CADM2: variants seen among roughly 807,000 people sequenced by gnomAD.
The protein encoded by CADM2 is cell adhesion molecule 2.
A neutral mutation model predicts 49.8 loss-of-function variants in CADM2; 12 were observed. The observed-to-expected ratio is 0.24, with a 90% CI of 0.15 to 0.39. The LOEUF (loss-of-function observed/expected upper bound fraction) is 0.39. Ranked by LOEUF, CADM2 falls within the 10% of genes least tolerant of loss-of-function variation. The pLI, the probability that CADM2 is intolerant of heterozygous loss-of-function variation, is 1.00. For synonymous variants in CADM2, 214 were observed against 175.4 expected (o/e 1.22, Z -1.74); for missense variants, 378 against 492.3 (o/e 0.77, Z 2.20).
chr3:85,865,729 G>A (rs755123623), intron 3 of CADM2, among the ~76,000 whole-genome samples: 2 of 152,168 alleles, frequency 1.3e-5, no homozygotes, highest in Non-Finnish European at 2.9e-5. Flanking sequence ...GTCACAGCTG[G>A]TAGTTAAGCT....
chr3:85,192,876 A>G (rs1342228333), intron 1 of CADM2, among the ~76,000 whole-genome samples: 3 of 152,062 alleles, frequency 2.0e-5, no homozygotes, highest in Non-Finnish European at 4.4e-5. Flanking sequence ...AAGGTGATCA[A>G]GACAATAGAG....
Position 85,233,201 on chromosome 3 carries a change from C to A in CADM2, c.61+273533C>A, listed in dbSNP as rs139392334. On this transcript the variant is annotated intron_variant, in intron 1 of 9. Transcript: ENST00000383699. Reference sequence around the variant, plus strand: ...TTTGGAAAAGGCAATACTACTGAGACGGTGAAAGATCAGTAGTTGCCAGAG... The same window carrying A: ...TTTGGAAAAGGCAATACTACTGAGAAGGTGAAAGATCAGTAGTTGCCAGAG... Among the ~76,000 whole-genome samples, 41 of 152,112 alleles carry A rather than the reference C, an allele frequency of 2.7e-4. 1 individual carries two copies. The East Asian group carries it at 7.1e-3, about 27-fold the overall frequency.
chr3:85,262,800 T>C (rs1200142865), intron 1 of CADM2, among the ~76,000 whole-genome samples: 1 of 116,062 alleles, frequency 8.6e-6, no homozygotes, highest in African/African-American at 3.3e-5. Flanking sequence ...ATTATTTTTA[T>C]AGAACGTATA....
intron 1 of CADM2, among the ~76,000 whole-genome samples, chr3:85,532,236 G>T (rs17516284): frequency 1.4e-4 from 21 of 151,926 alleles, no homozygotes; most frequent in African/African-American, 4.8e-4. Context: ...TTTGATGGCA[G>T]TATTGAGGAA....
chr3:85,845,461 A>T (rs1474101243), intron 3 of CADM2, among the ~76,000 whole-genome samples: 1 of 152,160 alleles, frequency 6.6e-6, no homozygotes, highest in Non-Finnish European at 1.5e-5. Flanking sequence ...TGTTTCTTTC[A>T]TGAAGGAAGT....
At chr3:85,937,543 T>C (rs138849604) in intron 7 of CADM2, among the ~76,000 whole-genome samples, 136 of 152,116 alleles carry the variant, frequency 8.9e-4, no homozygotes, top group African/African-American at 3.1e-3. Context: ...TAACTCTTTC[T>C]ATTATGTGCT....
chr3:86,012,405 A>G (rs1463035069), intron 8 of CADM2, among the ~76,000 whole-genome samples: 1 of 152,182 alleles, frequency 6.6e-6, no homozygotes, highest in Non-Finnish European at 1.5e-5. Context: ...ACAATAAATT[A>G]CAATAAAGTT....
chr3:85,245,773 A>G (rs2042633109), intron 1 of CADM2, among the ~76,000 whole-genome samples: 1 of 152,124 alleles, frequency 6.6e-6, no homozygotes. Flanking sequence ...ATATTAACCT[A>G]AGTTACTTCC....
intron 7 of CADM2, among the ~76,000 whole-genome samples, chr3:85,946,205 A>T (rs1034212168): frequency 6.6e-6 from 1 of 151,986 alleles, no homozygotes; most frequent in Non-Finnish European, 1.5e-5. Context: ...TAAAATACCT[A>T]GGAATCCAAC....
At chr3:85,532,629 C>T (rs62252505) in intron 1 of CADM2, among the ~76,000 whole-genome samples, 77,442 of 151,446 alleles carry the variant, frequency 0.51, 22,816 homozygotes, top group East Asian at 0.85. Flanking sequence ...GCTCTTCTAG[C>T]AATATTGCCA....
chr3:85,564,962 C>T (rs939421902), intron 1 of CADM2, among the ~76,000 whole-genome samples: 7 of 151,922 alleles, frequency 4.6e-5, no homozygotes, highest in South Asian at 2.1e-4. Context: ...GTATATAGCT[C>T]GAAGCTTTAG....
At chr3:86,060,086 ATG>A (rs1017067198) in intron 8 of CADM2, among the ~76,000 whole-genome samples, 13 of 152,244 alleles carry the variant, frequency 8.5e-5, no homozygotes, top group East Asian at 3.9e-4. Flanking sequence ...TCAAATAAAT[ATG>A]TGTTATAAAT....
At chr3:85,658,025 G>T (rs545253209) in intron 1 of CADM2, among the ~76,000 whole-genome samples, 1 of 151,966 alleles carries the variant, frequency 6.6e-6, no homozygotes, top group Non-Finnish European at 1.5e-5. Flanking sequence ...GGGATTCATT[G>T]AAAATTCTTG....
chr3:85,252,585 T>C (rs78913423), intron 1 of CADM2, among the ~76,000 whole-genome samples: 4,928 of 152,136 alleles, frequency 0.032, 255 homozygotes, highest in African/African-American at 0.11. Flanking sequence ...TTACTCTTAA[T>C]ATTTTATGGG....
chr3:84,997,429 T>G lies in CADM2; in HGVS notation c.61+37761T>G, dbSNP rs112347916. On this transcript the variant is annotated intron_variant, in intron 1 of 9. Coordinates refer to ENST00000383699, the MANE Select transcript of CADM2 (RefSeq NM_001167675.2). Reference sequence around the variant, plus strand: ...ATTCATAGAAAGAATTATGTTTCCTTTTGAAATTTATTTGAAAGCCAGGGT... The same window carrying G: ...ATTCATAGAAAGAATTATGTTTCCTGTTGAAATTTATTTGAAAGCCAGGGT... Among the ~76,000 whole-genome samples, 127 of 152,150 alleles carry G rather than the reference T, an allele frequency of 8.3e-4. No homozygotes were observed. The Middle Eastern group carries it at 0.017, about 21-fold the overall frequency.
intron 1 of CADM2, among the ~76,000 whole-genome samples, chr3:85,597,360 C>A (rs1347153019): frequency 6.6e-6 from 1 of 152,006 alleles, no homozygotes. Context: ...CCTTTATGTG[C>A]TTGTCTAGAT....
intron 1 of CADM2, among the ~76,000 whole-genome samples, chr3:85,684,067 T>C (rs1007064681): frequency 6.6e-6 from 1 of 152,182 alleles, no homozygotes; most frequent in African/African-American, 2.4e-5. Flanking sequence ...GGATCAGAAG[T>C]ATCACTCACA....
chr3:85,636,875 C>G (rs1444103282), intron 1 of CADM2, among the ~76,000 whole-genome samples: 4 of 152,108 alleles, frequency 2.6e-5, no homozygotes, highest in Admixed American at 2.6e-4. Flanking sequence ...GTAGGACATG[C>G]CATCTAGATT....
intron 1 of CADM2, among the ~76,000 whole-genome samples, chr3:85,421,226 A>G (rs915234618): frequency 6.6e-6 from 1 of 152,166 alleles, no homozygotes; most frequent in East Asian, 1.9e-4. Context: ...CTTTCAGTAC[A>G]TTCTTTGTTA....
Sources: allele counts gnomAD v4.1 joint callset (sites outside exome capture counted in the v4.1 genomes callset), GRCh38; gene constraint gnomAD v4.1.1; transcripts MANE v1.5; gene names NCBI Gene and HGNC (gene_info 2026-07-23, HGNC 2026-07-21).